Variants in CDCA2 observed in about 807,000 individuals in gnomAD.
CDCA2 encodes cell division cycle associated 2.
In CDCA2, 44 loss-of-function variants were observed where a neutral mutation model predicts 67.0. The ratio of observed to expected loss-of-function variants is 0.66; its 90% CI spans 0.52 to 0.84. The LOEUF is 0.84. CDCA2 is among the 40% of genes least tolerant of loss of function. The pLI is 0.00. For synonymous variants in CDCA2, 447 were observed against 418.7 expected (o/e 1.07, Z -0.82); for missense variants, 1,253 against 1,203.2 (o/e 1.04, Z -0.61).
At chr8:25,497,475 C>A (rs1804269220) in intron 13 of CDCA2, among the ~76,000 whole-genome samples, 1 of 133,838 alleles carries the variant, frequency 7.5e-6, no homozygotes, top group African/African-American at 2.9e-5. Flanking sequence ...GAAGATCTTA[C>A]TTACATGTGG....
chr8:25,481,786 T>C (rs145477822), intron 8 of CDCA2, among the ~76,000 whole-genome samples: 46 of 152,254 alleles, frequency 3.0e-4, no homozygotes, highest in African/African-American at 1.1e-3. Flanking sequence ...TTGCTGACTT[T>C]TCTGATTTAG....
At chr8:25,479,752 T>C (rs1803493559) in intron 7 of CDCA2, 161 bp from the exon 8 acceptor site, 1 of 659,836 alleles carries the variant, frequency 1.5e-6, no homozygotes, top group Non-Finnish European at 2.6e-6. Context: ...CCTCCTTTTC[T>C]GTTTCCAAAT....
chr8:25,463,624 A>G (rs2117477349), intron 4 of CDCA2, among the ~76,000 whole-genome samples: 1 of 152,240 alleles, frequency 6.6e-6, no homozygotes, highest in South Asian at 2.1e-4. Flanking sequence ...AAGGACCTTA[A>G]TGTTGTACGT....
At position 25,507,486 on chromosome 8, in the gene CDCA2, A is replaced by C; in HGVS notation, c.2820A>C (p.Glu940Asp). 1.9e-6 allele frequency: 3 copies of C among 1,613,842 alleles called. No homozygotes were observed. Among genetic ancestry groups the C allele is most frequent in the East Asian group, 2.2e-5 (1 of 44,892 alleles). The change falls in exon 15 of 15, where the codon GAA (glutamate) becomes GAC (aspartate). Residue 940 changes from glutamate to aspartate, a missense_variant. Physicochemically the swap from Glu to Asp is conservative, Grantham distance 45. Coordinates refer to ENST00000330560, the MANE Select transcript of CDCA2 (RefSeq NM_152562.4). ...SGFESMSPIK[E>D]TVSSRQKPQM... ...TTGAAAGTATGTCTCCCATAAAAGA[A>C]ACTGTGTCCTCCAGACAAAAACCGC... is the stretch of plus-strand genomic sequence containing the variant.
At chr8:25,470,428 A>T (rs1803106478) in intron 7 of CDCA2, among the ~76,000 whole-genome samples, 1 of 152,298 alleles carries the variant, frequency 6.6e-6, no homozygotes, top group Middle Eastern at 3.4e-3. Flanking sequence ...ATGGGCATAT[A>T]ATTGGATCTT....
intron 5 of CDCA2, 129 bp downstream of exon 5, chr8:25,466,454 T>G: frequency 1.2e-6 from 1 of 846,316 alleles, no homozygotes; most frequent in South Asian, 3.6e-5. Flanking sequence ...AGACTAACAT[T>G]AAAAATTTGG....
intron 12 of CDCA2, 118 bp downstream of exon 12, chr8:25,487,452 A>G: frequency 1.4e-6 from 1 of 712,334 alleles, no homozygotes; most frequent in Admixed American, 2.8e-5. Flanking sequence ...ATTAAGAATT[A>G]ATACTTTGGC....
chr8:25,492,382 T>A (rs1489061542), intron 13 of CDCA2, among the ~76,000 whole-genome samples: 1 of 152,152 alleles, frequency 6.6e-6, no homozygotes, highest in Admixed American at 6.5e-5. Flanking sequence ...TGGTTGTAGC[T>A]GTTCAGCCAG....
At chr8:25,487,373 A>C in intron 12 of CDCA2, 39 bp downstream of exon 12, 1 of 1,295,836 alleles carries the variant, frequency 7.7e-7, no homozygotes, top group Non-Finnish European at 1.1e-6. Flanking sequence ...TTGTTTTTAA[A>C]TCGTGCAATA....
rs372257172 is a variant in CDCA2, at chr8:25,469,923, T to C, written c.763T>C (p.Ser255Pro). The C allele has an allele frequency of 6.2e-7, 1 of 1,611,580 alleles. No homozygotes were observed. Among genetic ancestry groups the C allele is most frequent in the Non-Finnish European group, 8.5e-7 (1 of 1,178,498 alleles). ...EISSKLGSTQSGFLVEESLPL... is the reference protein window; with the variant it reads ...EISSKLGSTQPGFLVEESLPL... ...ATCATCTAAACTTGGTTCAACACAG[T>C]CTGGATTTTTAGTTGAAGAGTCTCT... is the stretch of plus-strand genomic sequence containing the variant. The change falls in exon 7 of 15, where the codon TCT (serine) becomes CCT (proline). Residue 255 changes from serine (S) to proline (P), a missense_variant. Physicochemically the swap from Ser to Pro is moderately conservative, Grantham distance 74 (BLOSUM62 -1). Transcript: ENST00000330560.
At chr8:25,495,381 T>C (rs893561846) in intron 13 of CDCA2, among the ~76,000 whole-genome samples, 8 of 152,124 alleles carry the variant, frequency 5.3e-5, no homozygotes, top group Non-Finnish European at 8.8e-5. Context: ...TCATTAAGAA[T>C]TTTTTCAAAC....
rs1355060533 is a variant in CDCA2, at chr8:25,488,494, C to T, written c.1534-58C>T. 1.2e-5 allele frequency: 18 copies of T among 1,468,838 alleles called. No individual in the cohort carries two copies. In the Admixed American group the frequency reaches 1.8e-4, roughly 15 times the overall value. 91.0% of individuals were successfully genotyped at this position (1,468,838 alleles called of 1,614,324 possible). On this transcript the variant is annotated intron_variant, in intron 12 of 14. Coordinates refer to ENST00000330560, the MANE Select transcript of CDCA2 (RefSeq NM_152562.4). ...GGAAGCACAACAAGAGTGAGAGCAGCACATTAACATGTAATTGCTTGTGCT... is the reference window on the plus strand; with the variant it reads ...GGAAGCACAACAAGAGTGAGAGCAGTACATTAACATGTAATTGCTTGTGCT...
At chr8:25,461,597 G>C (rs1320274342) in intron 3 of CDCA2, among the ~76,000 whole-genome samples, 1 of 152,170 alleles carries the variant, frequency 6.6e-6, no homozygotes, top group South Asian at 2.1e-4. Context: ...ATTCAGGGTA[G>C]TGCTGATGGT....
intron 7 of CDCA2, among the ~76,000 whole-genome samples, chr8:25,476,141 G>T (rs1803338613): frequency 6.6e-6 from 1 of 152,174 alleles, no homozygotes; most frequent in South Asian, 2.1e-4. Context: ...CAAATTCTGG[G>T]ATATTCAGAA....
intron 4 of CDCA2, among the ~76,000 whole-genome samples, chr8:25,462,873 G>A (rs1198530339): frequency 6.6e-6 from 1 of 152,024 alleles, no homozygotes; most frequent in Non-Finnish European, 1.5e-5. Flanking sequence ...TAGAGATGGG[G>A]CCTCACTATG....
intron 11 of CDCA2, among the ~76,000 whole-genome samples, chr8:25,486,871 A>G (rs528136714): frequency 1.0e-3 from 153 of 152,322 alleles, no homozygotes; most frequent in African/African-American, 3.3e-3. Context: ...AATAAAATTT[A>G]AAACAAAGTA....
chr8:25,460,286 C>T lies in CDCA2; in HGVS notation c.47C>T (p.Ala16Val). 1 of 1,614,164 alleles carries T rather than the reference C, an allele frequency of 6.2e-7. No homozygotes were observed. The highest frequency in any genetic ancestry group is 8.5e-7 in the Non-Finnish European group (1 of 1,180,016). Residue 16 changes from alanine (A) to valine (V), a missense_variant, in exon 2 of 15, where the codon GCA (alanine) becomes GTA (valine). By Grantham distance (64) the Ala-to-Val change is moderately conservative. Coordinates refer to ENST00000330560, the MANE Select transcript of CDCA2 (RefSeq NM_152562.4). ...AAGCCCCCTGAAACCAAGGAGTCTGCAATGAATAATGCTGGTATGTGATGA... is the reference window on the plus strand; with the variant it reads ...AAGCCCCCTGAAACCAAGGAGTCTGTAATGAATAATGCTGGTATGTGATGA... ...KDKPPETKES[A>V]MNNAGNASFI...
At position 25,460,384 on chromosome 8, in the gene CDCA2, G is replaced by A; in HGVS notation, c.62G>A (p.Gly21Glu). 1 of 1,614,152 alleles carries A rather than the reference G, an allele frequency of 6.2e-7. No individual in the cohort carries two copies. The highest frequency in any genetic ancestry group is 8.5e-7 in the Non-Finnish European group (1 of 1,180,022). ...CCCTACAATATGTCGTCCGTTTCAG[G>A]AAATGCCTCTTTCATTTTGGGAACT... is the stretch of plus-strand genomic sequence containing the variant. ...ETKESAMNNA[G>E]NASFILGTGK... is the part of the protein sequence containing the mutation. The change falls in exon 3 of 15, where the codon GGA becomes GAA. Residue 21 changes from glycine to glutamate, a missense_variant and splice_region_variant. Physicochemically the swap from Gly to Glu is moderately conservative, Grantham distance 98. Transcript: ENST00000330560.
At position 25,470,893 on chromosome 8, in the gene CDCA2, C is replaced by A. The variant is rs144129958; in HGVS notation, c.820+913C>A. Among the ~76,000 whole-genome samples the A allele has an allele frequency of 1.2e-3, 187 of 152,038 alleles. 1 individual carries two copies. The highest frequency in any genetic ancestry group is 1.7e-3 in the Non-Finnish European group (117 of 67,998). On this transcript the variant is annotated intron_variant, in intron 7 of 14. Coordinates refer to ENST00000330560, the MANE Select transcript of CDCA2 (RefSeq NM_152562.4). Reference sequence around the variant, plus strand: ...TCTTGTGTTTCAGCCTCCTGAGTAGCTGGGATTACAGGCGTGCACCACCAT... The same window carrying A: ...TCTTGTGTTTCAGCCTCCTGAGTAGATGGGATTACAGGCGTGCACCACCAT...
Sources: allele counts gnomAD v4.1 joint callset (sites outside exome capture counted in the v4.1 genomes callset), GRCh38; gene constraint gnomAD v4.1.1; transcripts MANE v1.5; gene names NCBI Gene and HGNC (gene_info 2026-07-23, HGNC 2026-07-21).